Variants in DAB1 observed in about 807,000 individuals in gnomAD.
DAB1 encodes disabled homolog 1.
In DAB1, 15 loss-of-function variants were observed where a neutral mutation model predicts 64.6. The observed-to-expected ratio is 0.23, with a 90% CI of 0.16 to 0.36. The LOEUF (loss-of-function observed/expected upper bound fraction) is 0.36. Ranked by LOEUF, DAB1 falls within the 10% of genes least tolerant of loss-of-function variation. The pLI, the probability that DAB1 is intolerant of heterozygous loss-of-function variation, is 1.00. For missense variants in DAB1, 596 were observed against 706.7 expected (o/e 0.84, Z 1.78); for synonymous variants, 235 against 251.9 (o/e 0.93, Z 0.64).
chr1:58,539,386 T>C (rs1446416699), intron 1 of DAB1: 6 of 673,280 alleles, frequency 8.9e-6, no homozygotes, highest in African/African-American at 1.8e-5. Flanking sequence ...ACTTATTAAA[T>C]AGGCGTGTCA....
At chr1:58,081,099 A>T (rs1036196632) in intron 5 of DAB1, among the ~76,000 whole-genome samples, 6 of 152,224 alleles carry the variant, frequency 3.9e-5, no homozygotes, top group African/African-American at 1.4e-4. Flanking sequence ...GCTCAAATTA[A>T]ATCAAGCTTA....
intron 3 of DAB1, among the ~76,000 whole-genome samples, chr1:58,438,088 C>T (rs1644965180): frequency 6.6e-6 from 1 of 152,110 alleles, no homozygotes; most frequent in African/African-American, 2.4e-5. Flanking sequence ...CTGTCCTCTC[C>T]CTGAGGCCCC....
chr1:57,764,076 C>T (rs1649203427), intron 6 of DAB1, among the ~76,000 whole-genome samples: 1 of 152,060 alleles, frequency 6.6e-6, no homozygotes, highest in Non-Finnish European at 1.5e-5. Context: ...CCAGAGAATA[C>T]GAAGTTAATT....
intron 1 of DAB1, among the ~76,000 whole-genome samples, chr1:57,318,958 C>T (rs1675452730): frequency 6.6e-6 from 1 of 152,138 alleles, no homozygotes; most frequent in African/African-American, 2.4e-5. Flanking sequence ...AACACAGCCT[C>T]CATGTCCACC....
At chr1:58,371,972 C>T (rs1164046851) in intron 3 of DAB1, among the ~76,000 whole-genome samples, 1 of 152,238 alleles carries the variant, frequency 6.6e-6, no homozygotes, top group Admixed American at 6.5e-5. Flanking sequence ...TCATAGAGAA[C>T]TTCTACTAGG....
chr1:57,495,094 CAGG>C (rs1378805765), intron 7 of DAB1, among the ~76,000 whole-genome samples: 1 of 152,068 alleles, frequency 6.6e-6, no homozygotes, highest in Middle Eastern at 3.2e-3. Flanking sequence ...GATAGCATGG[CAGG>C]AGTTCACAAA....
Position 58,490,795 on chromosome 1 carries a change from CTTTTTTTTTT to C in DAB1, n.257+15255_257+15264del, listed in dbSNP as rs148145860. 3.2e-3 allele frequency among the ~76,000 whole-genome samples: 190 copies of C among 59,280 alleles called. No individual in the cohort carries two copies. The Middle Eastern group carries it at 0.044, about 14-fold the overall frequency. The allele number at this position is 59,280 out of a possible 152,430, so 38.9% of individuals were successfully genotyped here. On this transcript the variant is annotated intron_variant and non_coding_transcript_variant, in intron 3 of 20. Transcript: ENST00000485760. ...AGAGTGGGGGCCAATAGTCAACATT[CTTTTTTTTTT>C]TTTTTTTTTTTTTTTTTTTTGAGAC...
chr1:57,219,035 A>G (rs532809813), intron 2 of DAB1, among the ~76,000 whole-genome samples: 3 of 152,244 alleles, frequency 2.0e-5, no homozygotes, highest in Non-Finnish European at 1.5e-5. Context: ...ACCACACTAA[A>G]CATTCCTTTT....
In DAB1 at chr1:58,289,099, C is replaced by A. The variant is rs533823683; in HGVS notation, n.309+54253G>T. On this transcript the variant is annotated intron_variant and non_coding_transcript_variant, in intron 4 of 20. Coordinates refer to the DAB1 transcript ENST00000485760. ...CTCTAGGCTTTCTTCTCCTATCACGCATTTGCATTGAACAAACATTTCTGT... is the reference window on the plus strand; with the variant it reads ...CTCTAGGCTTTCTTCTCCTATCACGAATTTGCATTGAACAAACATTTCTGT... Among the ~76,000 whole-genome samples the A allele has an allele frequency of 3.3e-5, 5 of 152,324 alleles. No homozygotes were observed. The South Asian group carries it at 1.0e-3, about 32-fold the overall frequency.
chr1:58,100,373 C>T (rs1017107678), intron 5 of DAB1, among the ~76,000 whole-genome samples: 1 of 152,118 alleles, frequency 6.6e-6, no homozygotes, highest in African/African-American at 2.4e-5. Context: ...CATATTGTAG[C>T]CTGTGTCAGA....
intron 9 of DAB1, among the ~76,000 whole-genome samples, chr1:57,031,848 C>T (rs1280396513): frequency 1.3e-5 from 2 of 152,188 alleles, no homozygotes; most frequent in Non-Finnish European, 2.9e-5. Flanking sequence ...CAAATGTCTC[C>T]TGGTAAAGAG....
intron 5 of DAB1, among the ~76,000 whole-genome samples, chr1:57,989,638 C>T (rs537625012): frequency 4.6e-5 from 7 of 152,216 alleles, no homozygotes; most frequent in African/African-American, 1.7e-4. Context: ...GGAAGGAAGA[C>T]ATTAAGATGT....
intron 4 of DAB1, among the ~76,000 whole-genome samples, chr1:57,087,419 A>C (rs1472107926): frequency 1.3e-5 from 2 of 152,222 alleles, no homozygotes; most frequent in African/African-American, 4.8e-5. Context: ...CCAAGGGAGA[A>C]GGGGAGAGAA....
chr1:58,235,725 T>A (rs1002073329), intron 4 of DAB1, among the ~76,000 whole-genome samples: 1 of 152,114 alleles, frequency 6.6e-6, no homozygotes, highest in East Asian at 1.9e-4. Flanking sequence ...AACAGCATCA[T>A]CCTCAGTGAA....
chr1:58,228,480 G>A (rs1267930071), intron 4 of DAB1, among the ~76,000 whole-genome samples: 1 of 151,992 alleles, frequency 6.6e-6, no homozygotes, highest in Non-Finnish European at 1.5e-5. Flanking sequence ...CAGCCTTTGG[G>A]GACAGAGTCA....
chr1:57,838,136 T>C (rs942950218), intron 1 of DAB1, among the ~76,000 whole-genome samples: 2 of 152,140 alleles, frequency 1.3e-5, no homozygotes, highest in African/African-American at 2.4e-5. Flanking sequence ...CCTTTTTCTA[T>C]CACTTGGAGC....
chr1:58,540,682 T>C (rs1432599361), intron 1 of DAB1, among the ~76,000 whole-genome samples: 1 of 146,766 alleles, frequency 6.8e-6, no homozygotes, highest in Non-Finnish European at 1.5e-5. Context: ...ATAGAAACCA[T>C]CTAAAATGAA....
At chr1:57,554,994 C>T (rs1175738719) in intron 7 of DAB1, among the ~76,000 whole-genome samples, 8 of 147,154 alleles carry the variant, frequency 5.4e-5, no homozygotes, top group African/African-American at 1.5e-4. Flanking sequence ...ATAAAACATT[C>T]ATGTTAGAGC....
intron 1 of DAB1, among the ~76,000 whole-genome samples, chr1:57,396,792 C>T (rs1682844447): frequency 6.6e-6 from 1 of 152,170 alleles, no homozygotes; most frequent in Non-Finnish European, 1.5e-5. Flanking sequence ...ACTATAAGAA[C>T]TTGTTAGTAA....
Sources: allele counts gnomAD v4.1 joint callset (sites outside exome capture counted in the v4.1 genomes callset), GRCh38; gene constraint gnomAD v4.1.1; transcripts MANE v1.5; gene names NCBI Gene and HGNC (gene_info 2026-07-23, HGNC 2026-07-21).